Variants in MAPK10 observed in about 807,000 individuals in gnomAD.
The protein encoded by MAPK10 is JNK3 alpha protein kinase.
A neutral mutation model predicts 59.3 loss-of-function variants in MAPK10; 25 were observed. The ratio of observed to expected loss-of-function variants is 0.42; its 90% CI spans 0.31 to 0.59. The LOEUF is 0.59. MAPK10 is among the 20% of genes least tolerant of loss of function. MAPK10 has a pLI of 0.15. For missense variants in MAPK10, 351 were observed against 568.9 expected, an observed-to-expected ratio of 0.62 and a Z score of 3.90; for synonymous variants, 190 against 200.5, an observed-to-expected ratio of 0.95 and a Z score of 0.44.
chr4:86,239,474 T>C (rs539275133), intron 2 of MAPK10, among the ~76,000 whole-genome samples: 18 of 152,262 alleles, frequency 1.2e-4, no homozygotes, highest in African/African-American at 4.3e-4. Flanking sequence ...ATCCGTCTGG[T>C]CCTGGGCTTT....
rs115430586 is a variant in MAPK10, at chr4:86,542,676, T to C, written c.-263+51234A>G. ...CTGTCAACCGTACCCTAGCTCAGGT[T>C]CCAACTGTCAACATTTCTCAGATAT... On this transcript the variant is annotated intron_variant, in intron 1 of 4. Transcript: ENST00000502302. 2.6e-3 allele frequency: 394 copies of C among 154,460 alleles called. 4 individuals are homozygous for C. Among genetic ancestry groups the C allele is most frequent in the African/African-American group, 9.2e-3 (382 of 41,642 alleles). 9.6% of individuals were successfully genotyped at this position (154,460 alleles called of 1,614,324 possible). A position where few individuals can be genotyped will look rare whatever the true frequency, so the allele number is the denominator to read the frequency against.
At position 86,167,167 on chromosome 4, in the gene MAPK10, G is replaced by A. The variant is rs563289362; in HGVS notation, c.67-7700C>T. Among the ~76,000 whole-genome samples the A allele has an allele frequency of 6.6e-4, 101 of 152,212 alleles. 1 individual carries two copies. Among genetic ancestry groups the A allele is most frequent in the Middle Eastern group, 6.8e-3 (2 of 294 alleles). On this transcript the variant is annotated intron_variant, in intron 3 of 13. Coordinates refer to ENST00000641462, the MANE Select transcript of MAPK10 (RefSeq NM_138982.4). ...GGACACATTTCCAAGACTAAACCAG[G>A]AAGAAGTCAAATCCTTGAATAGACC...
intron 4 of MAPK10, among the ~76,000 whole-genome samples, chr4:86,136,796 C>T (rs1254286273): frequency 2.6e-5 from 4 of 151,606 alleles, no homozygotes; most frequent in East Asian, 1.9e-4. Flanking sequence ...ACCCATCTCA[C>T]GTGCAGAGAC....
intron 2 of MAPK10, among the ~76,000 whole-genome samples, chr4:86,213,956 T>C (rs983007373): frequency 3.9e-5 from 6 of 152,062 alleles, no homozygotes; most frequent in African/African-American, 1.4e-4. Context: ...TGAATATTGA[T>C]GGGAAAATCC....
At chr4:86,058,973 C>T (rs2045192091) in intron 11 of MAPK10, among the ~76,000 whole-genome samples, 1 of 152,132 alleles carries the variant, frequency 6.6e-6, no homozygotes, top group Non-Finnish European at 1.5e-5. Flanking sequence ...TGAAAAGTTG[C>T]TACTCTGAAT....
intron 2 of MAPK10, among the ~76,000 whole-genome samples, chr4:86,197,417 G>T (rs1208288640): frequency 6.6e-6 from 1 of 152,154 alleles, no homozygotes; most frequent in Non-Finnish European, 1.5e-5. Flanking sequence ...TTTGCATCCT[G>T]AGACTTTGCT....
chr4:86,073,283 T>C (rs1337126719), intron 9 of MAPK10, among the ~76,000 whole-genome samples: 1 of 150,186 alleles, frequency 6.7e-6, no homozygotes, highest in African/African-American at 2.4e-5. Flanking sequence ...TTCTTCTCTC[T>C]TTTTTTCTTT....
intron 1 of MAPK10, among the ~76,000 whole-genome samples, chr4:86,392,660 C>G (rs1343640687): frequency 2.6e-5 from 4 of 152,082 alleles, no homozygotes; most frequent in African/African-American, 9.7e-5. Flanking sequence ...GTGTTCCATT[C>G]TATCCTCAGT....
chr4:86,415,166 C>T (rs886692425), intron 1 of MAPK10, among the ~76,000 whole-genome samples: 5 of 149,930 alleles, frequency 3.3e-5, no homozygotes, highest in Admixed American at 6.7e-5. Context: ...ACTTCCATTA[C>T]GGCATTTTAT....
At chr4:86,474,762 T>C (rs1449169641) in intron 1 of MAPK10, among the ~76,000 whole-genome samples, 1 of 152,332 alleles carries the variant, frequency 6.6e-6, no homozygotes, top group African/African-American at 2.4e-5. Context: ...AATTAATAAA[T>C]GAGTGAACTG....
At chr4:86,262,054 C>G (rs1326930024) in intron 2 of MAPK10, among the ~76,000 whole-genome samples, 1 of 152,182 alleles carries the variant, frequency 6.6e-6, no homozygotes, top group Non-Finnish European at 1.5e-5. Context: ...ATTTGTTGCG[C>G]TATGATTTGT....
chr4:86,402,493 AGC>A (rs1743851409), intron 1 of MAPK10, among the ~76,000 whole-genome samples: 2 of 152,230 alleles, frequency 1.3e-5, no homozygotes, highest in African/African-American at 4.8e-5. Flanking sequence ...TTTAAAAATC[AGC>A]TGCTAAACCT....
chr4:86,499,008 G>A (rs914568475), intron 1 of MAPK10, among the ~76,000 whole-genome samples: 4 of 152,134 alleles, frequency 2.6e-5, no homozygotes, highest in African/African-American at 4.8e-5. Context: ...AATGTGGAAT[G>A]GATCATTTGC....
At chr4:86,041,412 A>T (rs1416045360) in intron 11 of MAPK10, among the ~76,000 whole-genome samples, 2 of 152,202 alleles carry the variant, frequency 1.3e-5, no homozygotes, top group African/African-American at 4.8e-5. Context: ...CATTCAGGAC[A>T]TAGGCATGGG....
At chr4:86,481,919 A>C (rs1044997616) in intron 1 of MAPK10, among the ~76,000 whole-genome samples, 3 of 152,212 alleles carry the variant, frequency 2.0e-5, no homozygotes, top group African/African-American at 7.2e-5. Context: ...ACTGTTTTAA[A>C]GTCAAGTAGG....
At chr4:86,027,875 T>C (rs1266877912) in intron 13 of MAPK10, 2 of 152,152 alleles carry the variant, frequency 1.3e-5, no homozygotes, top group Non-Finnish European at 2.9e-5. Context: ...TTTGGGAAGA[T>C]ATAAAAAGTC....
intron 1 of MAPK10, among the ~76,000 whole-genome samples, chr4:86,478,509 C>T (rs1207269940): frequency 6.6e-6 from 1 of 152,190 alleles, no homozygotes; most frequent in East Asian, 1.9e-4. Flanking sequence ...TCACTCTCTA[C>T]AGTTCTCATA....
chr4:86,572,855 T>G (rs1448484576), intron 1 of MAPK10, among the ~76,000 whole-genome samples: 2 of 152,360 alleles, frequency 1.3e-5, no homozygotes, highest in South Asian at 4.1e-4. Flanking sequence ...AGTAGGTATA[T>G]AATGATATTC....
chr4:86,350,380 A>T (rs529998246), intron 2 of MAPK10, among the ~76,000 whole-genome samples: 7 of 152,246 alleles, frequency 4.6e-5, no homozygotes, highest in Non-Finnish European at 8.8e-5. Context: ...ATGCCCAGCT[A>T]ATTTTTTCTA....
Sources: allele counts gnomAD v4.1 joint callset (sites outside exome capture counted in the v4.1 genomes callset), GRCh38; gene constraint gnomAD v4.1.1; transcripts MANE v1.5; gene names NCBI Gene and HGNC (gene_info 2026-07-23, HGNC 2026-07-21).